HERC3: variants seen among roughly 807,000 people sequenced by gnomAD.
HERC3 encodes the protein HECT and RLD domain containing E3 ubiquitin protein ligase 3.
Under a neutral mutation model 129.9 loss-of-function variants are expected in HERC3, and 58 were observed. The ratio of observed to expected loss-of-function variants is 0.45; its 90% CI spans 0.36 to 0.56. HERC3 has a LOEUF of 0.56. Among genes scored for constraint, HERC3 ranks in the 20% least tolerant of loss-of-function variants. The pLI is 0.00. For synonymous variants in HERC3, 430 were observed against 451.0 expected (o/e 0.95, Z 0.59); for missense variants, 835 against 1,244.2 (o/e 0.67, Z 4.95).
chr4:88,655,107 G>A (rs527567898), intron 7 of HERC3, 67 bp from the exon 8 acceptor site: 4 of 1,541,886 alleles, frequency 2.6e-6, no homozygotes, highest in South Asian at 2.4e-5. Context: ...TAGGCATTTT[G>A]TATACAGGGT....
At position 88,666,367 on chromosome 4, in the gene HERC3, A is replaced by G. The variant is rs539193530; in HGVS notation, c.1332-1010A>G. Among the ~76,000 whole-genome samples the G allele has an allele frequency of 3.3e-5, 5 of 152,312 alleles. No individual in the cohort carries two copies. The South Asian group carries it at 1.0e-3, about 32-fold the overall frequency. On this transcript the variant is annotated intron_variant, in intron 12 of 25. Transcript: ENST00000402738. ...ATTTTGTTTTTGTTTTCTCAACAGC[A>G]TAGCAAAAAGCATATGGAAAATTAC... is the stretch of plus-strand genomic sequence containing the variant.
Position 88,664,158 on chromosome 4 carries a change from T to C in HERC3, c.1277T>C (p.Val426Ala). 6.2e-7 allele frequency: 1 copy of C among 1,612,934 alleles called. No homozygotes were observed. Among genetic ancestry groups the C allele is most frequent in the Non-Finnish European group, 8.5e-7 (1 of 1,179,302 alleles). ...EHNNANTING[V>A]VQILSSAACW... Reference sequence around the variant, plus strand: ...CCCTTCTTTTCTTTGAGCAGTGGTGTTGTTCAGATATTATCTTCTGCAGCC... The same window carrying C: ...CCCTTCTTTTCTTTGAGCAGTGGTGCTGTTCAGATATTATCTTCTGCAGCC... The change falls in exon 12 of 26, where the codon GTT becomes GCT. Residue 426 changes from valine to alanine, a missense_variant. Transcript: ENST00000402738.
At chr4:88,696,341 C>T (rs1461427596) in intron 23 of HERC3, 2 of 152,724 alleles carry the variant, frequency 1.3e-5, no homozygotes, top group East Asian at 3.9e-4. Flanking sequence ...AAGTACATAA[C>T]GCTGGATACA....
At chr4:88,625,723 C>G (rs1048418761) in intron 3 of HERC3, among the ~76,000 whole-genome samples, 1 of 152,228 alleles carries the variant, frequency 6.6e-6, no homozygotes, top group East Asian at 1.9e-4. Context: ...ACATCCTCAC[C>G]TTGTTCCTGA....
chr4:88,620,889 A>G (rs1725439031), intron 3 of HERC3, among the ~76,000 whole-genome samples: 1 of 152,028 alleles, frequency 6.6e-6, no homozygotes, highest in African/African-American at 2.4e-5. Flanking sequence ...ATGGCACCTT[A>G]TTAGAGATGC....
chr4:88,590,891 T>C (rs555118484), upstream of HERC3, among the ~76,000 whole-genome samples: 313 of 151,108 alleles, frequency 2.1e-3, 1 homozygote, highest in East Asian at 5.0e-3. Context: ...TTCTTTCTTT[T>C]TTTTTTTTTT....
chr4:88,680,078 T>C lies in HERC3; in HGVS notation c.2197-15T>C. The C allele has an allele frequency of 6.2e-7, 1 of 1,600,840 alleles. No individual in the cohort carries two copies. The highest frequency in any genetic ancestry group is 8.5e-7 in the Non-Finnish European group (1 of 1,174,622). ...AGATTTCCCGGAAGCATTAATTCTA[T>C]TCTATTATTTTAAGGTAATCTTTGA... On this transcript the variant is annotated splice_polypyrimidine_tract_variant and intron_variant, in intron 19 of 25. Coordinates refer to ENST00000402738, the MANE Select transcript of HERC3 (RefSeq NM_014606.3).
At chr4:88,569,894 G>A in the HERC3 span, among the ~76,000 whole-genome samples, 1 of 152,256 alleles carries the variant, frequency 6.6e-6, no homozygotes, top group Non-Finnish European at 1.5e-5. Context: ...AGAGGTGGAA[G>A]TTCCCTTTGG....
At chr4:88,578,691 A>AG in the HERC3 span, among the ~76,000 whole-genome samples, 9 of 152,182 alleles carry the variant, frequency 5.9e-5, no homozygotes, top group African/African-American at 2.2e-4. Flanking sequence ...GGAGGAGGTA[A>AG]CACTACATGC....
the HERC3 span, among the ~76,000 whole-genome samples, chr4:88,530,506 G>GGTCT: frequency 6.6e-6 from 1 of 152,244 alleles, no homozygotes; most frequent in African/African-American, 2.4e-5. Context: ...TGTCAGTATA[G>GGTCT]GTCTTATAGC....
chr4:88,601,547 C>T (rs971398283), intron 2 of HERC3, among the ~76,000 whole-genome samples: 2 of 152,136 alleles, frequency 1.3e-5, no homozygotes, highest in East Asian at 3.9e-4. Context: ...TTGATGTGTT[C>T]GCCTAGTATT....
intron 23 of HERC3, chr4:88,690,352 C>A (rs1426834397): frequency 1.0e-6 from 1 of 985,246 alleles, no homozygotes; most frequent in African/African-American, 1.7e-5. Flanking sequence ...ATTTCCCTTC[C>A]CTCCTGGTTT....
chr4:88,539,496 T>C, the HERC3 span, among the ~76,000 whole-genome samples: 2 of 152,324 alleles, frequency 1.3e-5, no homozygotes. Context: ...GGGCAGGGCA[T>C]AGCTGAACAA....
At chr4:88,693,730 A>G (rs936471391) in intron 23 of HERC3, 2 of 975,260 alleles carry the variant, frequency 2.1e-6, no homozygotes, top group African/African-American at 1.8e-5. Flanking sequence ...GAGAGCTGCC[A>G]TGCCATTTTT....
Position 88,656,029 on chromosome 4 carries a change from C to A in HERC3, c.1063C>A (p.Arg355=), listed in dbSNP as rs747334811. ...TGCCCACAGTGGCCAGCTTTCAGCC[C>A]GAGCTGGTAAGAATGATTGTCTCTG... ...WAAHSGQLSA[R]ADRFKYHIVK... Residue 355 remains arginine, a synonymous_variant, in exon 9 of 26, where the codon CGA becomes AGA. Transcript: ENST00000402738. The A allele has an allele frequency of 2.2e-5, 36 of 1,613,600 alleles. No individual in the cohort carries two copies. The highest frequency in any genetic ancestry group is 2.9e-5 in the Non-Finnish European group (34 of 1,179,782).
rs950610566 is a variant in HERC3 at position 88,687,217 on chromosome 4, A to G, written c.2575A>G (p.Ile859Val). 2 of 1,607,720 alleles carry G rather than the reference A, an allele frequency of 1.2e-6. No individual in the cohort carries two copies. The highest frequency in any genetic ancestry group is 1.7e-6 in the Non-Finnish European group (2 of 1,175,468). Residue 859 changes from isoleucine to valine, a missense_variant and splice_region_variant, in exon 23 of 26, where the codon ATC becomes GTC. Transcript: ENST00000402738. ...TTTCTTTTTTCCACCTTAAATATAG[A>G]TCTGCCGAGAAAGCTATGGAGTGAT... The part of the protein sequence containing the change: ...VEETFCLNFT[I>V]CRESYGVIEQ...
At chr4:88,688,484 G>A (rs936232768) in intron 23 of HERC3, among the ~76,000 whole-genome samples, 2 of 152,128 alleles carry the variant, frequency 1.3e-5, no homozygotes, top group African/African-American at 4.8e-5. Context: ...AACAGAGTTG[G>A]TTATATAACC....
chr4:88,525,677 C>T, the HERC3 span, among the ~76,000 whole-genome samples: 2 of 152,254 alleles, frequency 1.3e-5, no homozygotes, highest in South Asian at 4.1e-4. Flanking sequence ...TTTATAACAC[C>T]AGAAATCAAC....
At chr4:88,625,577 G>A (rs944192864) in intron 3 of HERC3, among the ~76,000 whole-genome samples, 1 of 151,922 alleles carries the variant, frequency 6.6e-6, no homozygotes, top group Non-Finnish European at 1.5e-5. Context: ...TTTCTGTATA[G>A]TCTTAGGATT....
Sources: allele counts gnomAD v4.1 joint callset (sites outside exome capture counted in the v4.1 genomes callset), GRCh38; gene constraint gnomAD v4.1.1; transcripts MANE v1.5; gene names NCBI Gene and HGNC (gene_info 2026-07-23, HGNC 2026-07-21).